The following TCHH variants were observed in gnomAD, a reference collection of about 807,000 sequenced individuals.
TCHH encodes trichohyalin.
A neutral mutation model predicts 6.3 loss-of-function variants in TCHH; 6 were observed. The observed-to-expected ratio is 0.95, with a 90% confidence interval of 0.52 to 1.88. The LOEUF is 1.88. Ranked by LOEUF, TCHH falls within the 40% of genes most tolerant of loss-of-function variation. The probability of loss-of-function intolerance (pLI) is 0.01; values close to 1 mark genes in which losing one functional copy is unlikely to be tolerated. For missense variants in TCHH, 2,920 were observed against 2,449.1 expected (o/e 1.19, Z -4.06); for synonymous variants, 1,087 against 963.6 (o/e 1.13, Z -2.37).
Position 152,108,448 on chromosome 1 carries a change from C to T in TCHH, c.4769G>A (p.Arg1590His), listed in dbSNP as rs758316622. 6.2e-7 allele frequency: 1 copy of T among 1,613,366 alleles called. No individual in the cohort carries two copies. The highest frequency in any genetic ancestry group is 1.3e-5 in the African/African-American group (1 of 74,656). ...KFRLEEQKVR[R>H]QEQERKFMED... ...CATGAATTTTCTCTCTTGTTCCTGG[C>T]GGCGCACTTTCTGTTCCTCTAAACG... The change falls in exon 3 of 3, where the codon CGC (arginine) becomes CAC (histidine). Residue 1590 changes from arginine (R) to histidine (H), a missense_variant. Transcript: ENST00000614923.
Position 152,110,462 on chromosome 1 carries a change from C to A in TCHH, c.2755G>T (p.Glu919Ter), listed in dbSNP as rs1293934764. ...TCCTGTTCTTGGCGCCTTCTCTTCT[C>A]GCGCTCCTCTCTCTGTAGCTCCTCC... ...EEEELQREER[E>*]KRRRQEQERQ... Residue 919 changes from glutamate (E) to a stop codon, truncating the protein, a stop_gained, in exon 3 of 3, where the codon GAG becomes TAG. Coordinates refer to ENST00000614923, the MANE Select transcript of TCHH (RefSeq NM_007113.4). LOFTEE classifies it low-confidence loss of function (END_TRUNC). 2 of 1,614,050 alleles carry A rather than the reference C, an allele frequency of 1.2e-6. No homozygotes were observed. Among genetic ancestry groups the A allele is most frequent in the African/African-American group, 1.3e-5 (1 of 74,936 alleles).
Position 152,109,343 on chromosome 1 carries a change from G to A in TCHH, c.3874C>T (p.His1292Tyr). ...ERRRWQQRDR[H>Y]FPEEEQLERE... is the part of the protein sequence containing the mutation. ...TCCAGCTGTTCTTCCTCTGGGAAAT[G>A]CCTGTCGCGCTGCTGCCAGCGCCTC... The change falls in exon 3 of 3, where the codon CAT becomes TAT. Residue 1292 changes from histidine to tyrosine, a missense_variant. His to Tyr is a moderately conservative substitution (Grantham distance 83). Coordinates refer to ENST00000614923, the MANE Select transcript of TCHH (RefSeq NM_007113.4). 2 of 1,614,176 alleles carry A rather than the reference G, an allele frequency of 1.2e-6. No individual in the cohort carries two copies. The highest frequency in any genetic ancestry group is 1.7e-6 in the Non-Finnish European group (2 of 1,180,044).
At position 152,109,804 on chromosome 1, in the gene TCHH, C is replaced by T. The variant is rs533992300; in HGVS notation, c.3413G>A (p.Arg1138Lys). 3,239 of 1,592,228 alleles carry T rather than the reference C, an allele frequency of 2.0e-3. 81 individuals are homozygous for T. In the South Asian group the frequency reaches 0.034, roughly 17 times the overall value. The change falls in exon 3 of 3, where the codon AGG becomes AAG. Residue 1138 changes from arginine to lysine, a missense_variant. By Grantham distance (26) the Arg-to-Lys change is conservative (BLOSUM62 2). Coordinates refer to ENST00000614923, the MANE Select transcript of TCHH (RefSeq NM_007113.4). ...REKRRRQELE[R>K]QYREEEEVQQ... ...CACCTCCTCTTCCTCCCGATATTGC[C>T]TCTCCAGCTCCTGGCGCCTTCTCTT...
chr1:152,109,487 C>T lies in TCHH; in HGVS notation c.3730G>A (p.Gly1244Ser). ...TGCCGGAACTGTTCATTCTCTCTGC[C>T]TTTGCAGTAAACCTTGTTATCACGA... ...AVRDNKVYCKGRENEQFRQLE... is the reference protein window; with the variant it reads ...AVRDNKVYCKSRENEQFRQLE... Residue 1244 changes from glycine (G) to serine (S), a missense_variant, in exon 3 of 3, where the codon GGC (glycine) becomes AGC (serine). Transcript: ENST00000614923. The T allele has an allele frequency of 1.9e-6, 3 of 1,614,270 alleles. No individual in the cohort carries two copies. The highest frequency in any genetic ancestry group is 2.5e-6 in the Non-Finnish European group (3 of 1,180,054).
Position 152,111,039 on chromosome 1 carries a change from C to T in TCHH, c.2178G>A (p.Gln726=). 1 of 1,613,600 alleles carries T rather than the reference C, an allele frequency of 6.2e-7. No individual in the cohort carries two copies. Among genetic ancestry groups the T allele is most frequent in the Non-Finnish European group, 8.5e-7 (1 of 1,180,022 alleles). The change falls in exon 3 of 3, where the codon CAG becomes CAA. Residue 726 remains glutamine, a synonymous_variant. Transcript: ENST00000614923. ...QSKVYSRPRK[Q]EGQRRRQEQE... is the part of the protein sequence containing the mutation. ...GCTCTTGGCGGCGCCTCTGCCCTTC[C>T]TGCTTGCGGGGCCTCGAGTAGACTT... is the stretch of plus-strand genomic sequence containing the variant.
rs777320779 is a variant in TCHH at position 152,107,869 on chromosome 1, C to T, written c.5348G>A (p.Arg1783Lys). Reference sequence around the variant, plus strand: ...TTGGCTGCGCAGCTGCTGTTCCTCCCTCTCCTGGCGGAGCTGTTCCTCCTC... The same window carrying T: ...TTGGCTGCGCAGCTGCTGTTCCTCCTTCTCCTGGCGGAGCTGTTCCTCCTC... ...FREEEQLRQEREEQQLRSQES... is the reference protein window; with the variant it reads ...FREEEQLRQEKEEQQLRSQES... The change falls in exon 3 of 3, where the codon AGG becomes AAG. Residue 1783 changes from arginine (R) to lysine (K), a missense_variant. Arg to Lys is a conservative substitution (Grantham distance 26, BLOSUM62 2). Transcript: ENST00000614923. 6 of 1,612,990 alleles carry T rather than the reference C, an allele frequency of 3.7e-6. No individual in the cohort carries two copies. The African/African-American group carries it at 5.4e-5, about 14-fold the overall frequency.
intron 2 of TCHH, 41 bp from the exon 3 acceptor site, chr1:152,113,119 T>G (rs745797991): frequency 2.5e-5 from 38 of 1,510,396 alleles, no homozygotes; most frequent in Non-Finnish European, 3.4e-5. Context: ...AATGCACTAT[T>G]TACAGGTGGT....
chr1:152,110,290 T>C lies in TCHH; in HGVS notation c.2927A>G (p.Glu976Gly). Residue 976 changes from glutamate to glycine, a missense_variant, in exon 3 of 3, where the codon GAG becomes GGG. Physicochemically the swap from Glu to Gly is moderately conservative, Grantham distance 98. Coordinates refer to ENST00000614923, the MANE Select transcript of TCHH (RefSeq NM_007113.4). ...CTGGCGCCTTCTCTTCTCCGGTTCC[T>C]CTCCCAGCAGCTGCTCTTCCTTCTG... Reference protein sequence around the residue: ...LQQKEEQLLGEEPEKRRRQER... With the variant: ...LQQKEEQLLGGEPEKRRRQER... 6.2e-7 allele frequency: 1 copy of C among 1,611,254 alleles called. No individual in the cohort carries two copies. Among genetic ancestry groups the C allele is most frequent in the Non-Finnish European group, 8.5e-7 (1 of 1,178,940 alleles).
chr1:152,108,269 G>C lies in TCHH; in HGVS notation c.4948C>G (p.Pro1650Ala). ...TCGCGCTCCTGGCGGCGCAGCTGCG[G>C]TTCCTCCTCGAGGAATTTTCTGTCA... ...ERDRKFLEEE[P>A]QLRRQEREQQ... Residue 1650 changes from proline (P) to alanine (A), a missense_variant, in exon 3 of 3, where the codon CCG (proline) becomes GCG (alanine). Coordinates refer to ENST00000614923, the MANE Select transcript of TCHH (RefSeq NM_007113.4). 4.3e-6 allele frequency: 7 copies of C among 1,613,266 alleles called. No individual in the cohort carries two copies. The highest frequency in any genetic ancestry group is 5.9e-6 in the Non-Finnish European group (7 of 1,179,750).
Position 152,112,215 on chromosome 1 carries a change from C to A in TCHH, c.1002G>T (p.Arg334Ser), listed in dbSNP as rs746593405. ...QQERREQQEE[R>S]REQQLRREQE... ...GCTCGCGCCTCAGCTGCTGCTCGCG[C>A]CTCTCCTCCTGCTGCTCGCGCCTCT... Residue 334 changes from arginine to serine, a missense_variant, in exon 3 of 3, where the codon AGG becomes AGT. Coordinates refer to ENST00000614923, the MANE Select transcript of TCHH (RefSeq NM_007113.4). 2 of 1,591,950 alleles carry A rather than the reference C, an allele frequency of 1.3e-6. No homozygotes were observed. Among genetic ancestry groups the A allele is most frequent in the South Asian group, 2.2e-5 (2 of 90,342 alleles).
chr1:152,112,343 C>T lies in TCHH; in HGVS notation c.874G>A (p.Glu292Lys), dbSNP rs751152110. 3.7e-6 allele frequency: 6 copies of T among 1,613,370 alleles called. No homozygotes were observed. The highest frequency in any genetic ancestry group is 5.1e-6 in the Non-Finnish European group (6 of 1,180,002). ...AGCCTTTGCTGCTGCTGCTCTTCCT[C>T]CTGGCGCTCCCTCCTCAGCTCTTGC... ...ERQELRRERQ[E>K]EEQQQQRLRR... Residue 292 changes from glutamate (E) to lysine (K), a missense_variant, in exon 3 of 3, where the codon GAG becomes AAG. Physicochemically the swap from Glu to Lys is moderately conservative, Grantham distance 56. Transcript: ENST00000614923.
At position 152,110,882 on chromosome 1, in the gene TCHH, T is replaced by C. The variant is rs2101529671; in HGVS notation, c.2335A>G (p.Arg779Gly). Reference protein sequence around the residue: ...WQWQAEEKSERGRQRLSARPP... With the variant: ...WQWQAEEKSEGGRQRLSARPP... ...CTGGCCGACAGCCTCTGACGGCCCC[T>C]CTCGCTCTTTTCCTCCGCCTGCCAC... is the stretch of plus-strand genomic sequence containing the variant. Residue 779 changes from arginine to glycine, a missense_variant, in exon 3 of 3, where the codon AGG becomes GGG. Coordinates refer to ENST00000614923, the MANE Select transcript of TCHH (RefSeq NM_007113.4). 6.2e-7 allele frequency: 1 copy of C among 1,610,928 alleles called. No homozygotes were observed. The highest frequency in any genetic ancestry group is 2.2e-5 in the East Asian group (1 of 44,808).
chr1:152,114,327 T>C (rs1388183120), intron 1 of TCHH, among the ~76,000 whole-genome samples: 1 of 152,250 alleles, frequency 6.6e-6, no homozygotes, highest in Non-Finnish European at 1.5e-5. Flanking sequence ...CAGACTATCC[T>C]GTTGTCAGCT....
Position 152,109,330 on chromosome 1 carries a change from TC to T in TCHH, c.3886del (p.Glu1296LysfsTer26). On this transcript the variant is annotated frameshift_variant, in exon 3 of 3. Transcript: ENST00000614923. LOFTEE classifies it low-confidence loss of function (END_TRUNC). ...WQQRDRHFPEEEQLEREEQKE... is the reference protein window; with the variant it reads ...WQQRDRHFPEXEQLEREEQKE... Reference sequence around the variant, plus strand: ...TTGCTCTTCTCGCTCCAGCTGTTCTTCCTCTGGGAAATGCCTGTCGCGCTGC... The same window carrying T: ...TTGCTCTTCTCGCTCCAGCTGTTCTTCTCTGGGAAATGCCTGTCGCGCTGC... 1 of 1,614,230 alleles carries T rather than the reference TC, an allele frequency of 6.2e-7. No homozygotes were observed. Among genetic ancestry groups the T allele is most frequent in the Non-Finnish European group, 8.5e-7 (1 of 1,180,050 alleles).
rs1456014613 is a variant in TCHH at position 152,108,694 on chromosome 1, A to G, written c.4523T>C (p.Leu1508Pro). 5.1e-6 allele frequency: 8 copies of G among 1,577,464 alleles called. No homozygotes were observed. The highest frequency in any genetic ancestry group is 1.8e-5 in the Admixed American group (1 of 56,068). ...ERDRKFREQE[L>P]RSQEPERKFL... ...TTTTCTCTCTGGTTCCTGACTGCGC[A>G]GTTCCTGTTCGCGGAATTTTCTGTC... The change falls in exon 3 of 3, where the codon CTG (leucine) becomes CCG (proline). Residue 1508 changes from leucine (L) to proline (P), a missense_variant. Leu to Pro is a moderately conservative substitution (Grantham distance 98). Coordinates refer to ENST00000614923, the MANE Select transcript of TCHH (RefSeq NM_007113.4).
rs776094692 is a variant in TCHH at position 152,112,835 on chromosome 1, G to T, written c.382C>A (p.Gln128Lys). 5 of 1,613,856 alleles carry T rather than the reference G, an allele frequency of 3.1e-6. No individual in the cohort carries two copies. In the Admixed American group the frequency reaches 6.7e-5, roughly 22 times the overall value. Residue 128 changes from glutamine (Q) to lysine (K), a missense_variant, in exon 3 of 3, where the codon CAA becomes AAA. By Grantham distance (53) the Gln-to-Lys change is moderately conservative. Transcript: ENST00000614923. ...DQRRFEPRDR[Q>K]LEEEPGQRRR... ...CGTTGCCCAGGTTCTTCTTCCAGTT[G>T]TCTGTCCCGGGGCTCGAATCTCCTT...
At position 152,109,270 on chromosome 1, in the gene TCHH, T is replaced by C. The variant is rs762463705; in HGVS notation, c.3947A>G (p.Glu1316Gly). 6.2e-6 allele frequency: 10 copies of C among 1,614,262 alleles called. No individual in the cohort carries two copies. The highest frequency in any genetic ancestry group is 7.6e-6 in the Non-Finnish European group (9 of 1,180,046). The change falls in exon 3 of 3, where the codon GAG (glutamate) becomes GGG (glycine). Residue 1316 changes from glutamate (E) to glycine (G), a missense_variant. Transcript: ENST00000614923. ...EAKRRDRKSQ[E>G]EKQLLREERE... The stretch of plus-strand genomic sequence containing the variant: ...TTCCTCTCTCAGCAACTGCTTTTCC[T>C]CTTGGGACTTCCTGTCGCGCCTTTT...
At chr1:152,114,205 T>C in intron 1 of TCHH, 94 bp from the exon 2 acceptor site, 1 of 864,560 alleles carries the variant, frequency 1.2e-6, no homozygotes. Flanking sequence ...CTAAATAATT[T>C]GAATTTATAG....
chr1:152,108,571 C>G lies in TCHH; in HGVS notation c.4646G>C (p.Arg1549Pro), dbSNP rs181128140. Residue 1549 changes from arginine (R) to proline (P), a missense_variant, in exon 3 of 3, where the codon CGG becomes CCG. Arg to Pro is a moderately radical substitution (Grantham distance 103, BLOSUM62 -2). Transcript: ENST00000614923. ...QLRRQERGQQ[R>P]RQDRDRKFRE... Reference sequence around the variant, plus strand: ...GAATTTTCTGTCACGGTCCTGACGCCGCTGTTGCCCGCGCTCCTGGCGGCG... The same window carrying G: ...GAATTTTCTGTCACGGTCCTGACGCGGCTGTTGCCCGCGCTCCTGGCGGCG... The G allele has an allele frequency of 1.4e-4, 199 of 1,446,364 alleles. 5 individuals carry two copies. The East Asian group carries it at 2.7e-3, about 20-fold the overall frequency. The allele number at this position is 1,446,364 out of a possible 1,614,324, so 89.6% of individuals were successfully genotyped here.
Sources: gnomAD v4.1 joint callset for allele counts (sites outside exome capture counted in the v4.1 genomes callset) on GRCh38, gnomAD v4.1.1 for gene constraint, MANE v1.5 for transcripts, NCBI Gene and HGNC (gene_info 2026-07-23, HGNC 2026-07-21) for gene names.